The following ACMSD variants were observed in gnomAD, a reference collection of about 807,000 sequenced individuals.
ACMSD encodes the protein 2-amino-3-carboxymuconate-6-semialdehyde decarboxylase.
Under a neutral mutation model 45.9 loss-of-function variants are expected in ACMSD, and 37 were observed. The ratio of observed to expected loss-of-function variants is 0.81; its 90% CI spans 0.62 to 1.06. The LOEUF is 1.06. ACMSD is among the 50% of genes least tolerant of loss of function. The pLI, the probability that ACMSD is intolerant of heterozygous loss-of-function variation, is 0.00. For missense variants in ACMSD, 434 were observed against 420.9 expected, an observed-to-expected ratio of 1.03 and a Z score of -0.27; for synonymous variants, 138 against 148.8, an observed-to-expected ratio of 0.93 and a Z score of 0.53.
rs958751563 is a variant in ACMSD at position 134,901,977 on chromosome 2, C to T, written c.*117C>T. On this transcript the variant is annotated 3_prime_UTR_variant, in exon 10 of 10. Coordinates refer to ENST00000356140, the MANE Select transcript of ACMSD (RefSeq NM_138326.3). ...ACTATTTTACTCAGAAATGAATGTCCCAAATATCCTAAATTATTCATAATA... is the reference window on the plus strand; with the variant it reads ...ACTATTTTACTCAGAAATGAATGTCTCAAATATCCTAAATTATTCATAATA... The T allele has an allele frequency of 8.9e-6, 5 of 563,200 alleles. No individual in the cohort carries two copies. The highest frequency in any genetic ancestry group is 7.7e-5 in the African/African-American group (4 of 51,978). The allele number at this position is 563,200 out of a possible 1,614,324, so 34.9% of individuals were successfully genotyped here.
intron 3 of ACMSD, 123 bp downstream of exon 3, chr2:134,859,480 T>A: frequency 1.2e-6 from 1 of 867,738 alleles, no homozygotes; most frequent in South Asian, 1.7e-5. Flanking sequence ...GGACAGGCTG[T>A]TCCAGCTTCA....
At chr2:134,855,514 A>G (rs1687541439) in intron 2 of ACMSD, among the ~76,000 whole-genome samples, 1 of 152,338 alleles carries the variant, frequency 6.6e-6, no homozygotes, top group African/African-American at 2.4e-5. Flanking sequence ...TCTGCAGAAG[A>G]AGGCTAGGCC....
At chr2:134,845,183 G>A in intron 1 of ACMSD, 50 bp from the exon 2 acceptor site, 1 of 1,609,346 alleles carries the variant, frequency 6.2e-7, no homozygotes, top group Non-Finnish European at 8.5e-7. Flanking sequence ...CCCCTTGATT[G>A]CAGCCTGGTC....
chr2:134,882,451 A>G (rs567252362), intron 8 of ACMSD, among the ~76,000 whole-genome samples: 1 of 152,242 alleles, frequency 6.6e-6, no homozygotes, highest in African/African-American at 2.4e-5. Flanking sequence ...ACGAGTTAAC[A>G]TAATACTATG....
In ACMSD at chr2:134,871,110, A is replaced by G. The variant is rs116864404; in HGVS notation, c.676+50A>G. ...GCTCAGGCTGTCACAACAAAATCCC[A>G]CAGATGGGGTGACTGTAAGAAAACA... On this transcript the variant is annotated intron_variant, in intron 7 of 9. Transcript: ENST00000356140. 1,436 of 1,462,764 alleles carry G rather than the reference A, an allele frequency of 9.8e-4. 9 individuals carry two copies. Among genetic ancestry groups the G allele is most frequent in the East Asian group, 8.4e-3 (371 of 43,942 alleles). 90.6% of individuals were successfully genotyped at this position (1,462,764 alleles called of 1,614,324 possible).
chr2:134,847,056 G>A (rs1422871849), intron 2 of ACMSD, among the ~76,000 whole-genome samples: 3 of 152,206 alleles, frequency 2.0e-5, no homozygotes, highest in Admixed American at 2.0e-4. Flanking sequence ...TGCAGTGAAA[G>A]GGGGAGATAG....
intron 8 of ACMSD, among the ~76,000 whole-genome samples, chr2:134,876,719 A>G (rs1688752002): frequency 6.6e-6 from 1 of 152,234 alleles, no homozygotes; most frequent in East Asian, 1.9e-4. Flanking sequence ...TAGTAAATAC[A>G]TAAGCCAGTG....
intron 2 of ACMSD, among the ~76,000 whole-genome samples, chr2:134,852,891 A>C (rs1218419898): frequency 6.6e-6 from 1 of 152,120 alleles, no homozygotes; most frequent in East Asian, 1.9e-4. Context: ...CTGGCTGGGC[A>C]TGGTGCCTCA....
At chr2:134,848,383 T>C (rs1418831148) in intron 2 of ACMSD, among the ~76,000 whole-genome samples, 1 of 152,196 alleles carries the variant, frequency 6.6e-6, no homozygotes, top group Non-Finnish European at 1.5e-5. Flanking sequence ...TGAACTAACT[T>C]ACACCCCCAC....
chr2:134,874,766 G>A (rs1688646950), intron 8 of ACMSD, among the ~76,000 whole-genome samples: 1 of 152,138 alleles, frequency 6.6e-6, no homozygotes, highest in Non-Finnish European at 1.5e-5. Flanking sequence ...TGACTCAGCA[G>A]TGAGCAATAT....
chr2:134,860,239 G>A (rs1459678996), intron 3 of ACMSD, among the ~76,000 whole-genome samples: 1 of 152,122 alleles, frequency 6.6e-6, no homozygotes, highest in Non-Finnish European at 1.5e-5. Flanking sequence ...CTCCAGCCTG[G>A]GCAACAAAGT....
intron 8 of ACMSD, among the ~76,000 whole-genome samples, chr2:134,891,924 G>A (rs1689807344): frequency 6.6e-6 from 1 of 152,124 alleles, no homozygotes; most frequent in African/African-American, 2.4e-5. Context: ...CATGTCTTTT[G>A]TAGCAACATG....
intron 2 of ACMSD, among the ~76,000 whole-genome samples, chr2:134,852,342 G>A (rs114680068): frequency 6.6e-6 from 1 of 152,134 alleles, no homozygotes; most frequent in Non-Finnish European, 1.5e-5. Context: ...ATGGAAGCAG[G>A]GAGATGGGGC....
intron 6 of ACMSD, chr2:134,869,084 TC>T (rs1265300245): frequency 6.6e-6 from 1 of 152,154 alleles, no homozygotes; most frequent in Non-Finnish European, 1.5e-5. Context: ...TTCCTACTCA[TC>T]CCCTACCAAA....
intron 6 of ACMSD, among the ~76,000 whole-genome samples, chr2:134,869,295 C>T (rs1248896326): frequency 2.6e-5 from 4 of 152,098 alleles, no homozygotes; most frequent in Admixed American, 2.0e-4. Flanking sequence ...TCACTGCAAC[C>T]TCTGCCTCCC....
Position 134,863,621 on chromosome 2 carries a change from C to T in ACMSD, c.476C>T (p.Pro159Leu), listed in dbSNP as rs1687952915. The T allele has an allele frequency of 6.2e-7, 1 of 1,613,996 alleles. No individual in the cohort carries two copies. The highest frequency in any genetic ancestry group is 1.7e-5 in the Admixed American group (1 of 60,012). The change falls in exon 5 of 10, where the codon CCT becomes CTT. Residue 159 changes from proline (P) to leucine (L), a missense_variant. Coordinates refer to ENST00000356140, the MANE Select transcript of ACMSD (RefSeq NM_138326.3). ...EWDLNAQELF[P>L]VYAAAERLKC... ...GACCTGAACGCGCAGGAGCTCTTTC[C>T]TGTCTATGCGGTGAGTAGCGGGGCT...
intron 8 of ACMSD, among the ~76,000 whole-genome samples, chr2:134,880,898 T>G (rs1330334210): frequency 6.6e-6 from 1 of 152,232 alleles, no homozygotes. Context: ...AAACAGTTAA[T>G]TTTGTGTTAT....
intron 8 of ACMSD, among the ~76,000 whole-genome samples, chr2:134,875,594 G>A (rs891127814): frequency 6.6e-5 from 10 of 152,068 alleles, no homozygotes; most frequent in African/African-American, 1.2e-4. Context: ...TTTTAAAGAC[G>A]GATACAAAGA....
intron 8 of ACMSD, among the ~76,000 whole-genome samples, chr2:134,878,099 C>G (rs1233716111): frequency 1.3e-5 from 2 of 152,160 alleles, no homozygotes; most frequent in African/African-American, 2.4e-5. Flanking sequence ...TTCTCCAAAT[C>G]TGAAGAACTG....
Sources: allele counts gnomAD v4.1 joint callset (sites outside exome capture counted in the v4.1 genomes callset), GRCh38; gene constraint gnomAD v4.1.1; transcripts MANE v1.5; gene names NCBI Gene and HGNC (gene_info 2026-07-23, HGNC 2026-07-21).